LRP5: variants seen among roughly 807,000 people sequenced by gnomAD.
LRP5 encodes LDL receptor related protein 5.
Under a neutral mutation model 154.1 loss-of-function variants are expected in LRP5, and 62 were observed. That is an observed-to-expected ratio of 0.40 (90% CI 0.33 to 0.50). The LOEUF (loss-of-function observed/expected upper bound fraction) is 0.50, where lower values mean the gene tolerates loss of function less well. Among genes scored for constraint, LRP5 ranks in the 20% least tolerant of loss-of-function variants. The probability of loss-of-function intolerance (pLI) is 0.55; values close to 1 mark genes in which losing one functional copy is unlikely to be tolerated. For synonymous variants in LRP5, 966 were observed against 1,011.5 expected (o/e 0.96, Z 0.85); for missense variants, 1,915 against 2,336.7 (o/e 0.82, Z 3.72).
intron 1 of LRP5, among the ~76,000 whole-genome samples, chr11:68,316,976 G>A (rs1342990063): frequency 3.9e-5 from 6 of 152,262 alleles, no homozygotes; most frequent in Non-Finnish European, 8.8e-5. Flanking sequence ...GGGAGGCCCT[G>A]GCGGGAGCCG....
At position 68,317,623 on chromosome 11, in the gene LRP5, T is replaced by C. The variant is rs141327537; in HGVS notation, c.91+4818T>C. 3.1e-4 allele frequency among the ~76,000 whole-genome samples: 47 copies of C among 152,340 alleles called. 1 individual carries two copies. The East Asian group carries it at 9.1e-3, about 29-fold the overall frequency. On this transcript the variant is annotated intron_variant, in intron 1 of 22. Coordinates refer to ENST00000294304, the MANE Select transcript of LRP5 (RefSeq NM_002335.4). ...GAGGCATGCGCATACGCGCTGCTCT[T>C]AGGCATGTGGGTGGCGCTCTGAGGT... is the stretch of plus-strand genomic sequence containing the variant.
At position 68,312,666 on chromosome 11, in the gene LRP5, C is replaced by A; in HGVS notation, c.-49C>A. The A allele has an allele frequency of 3.5e-6, 3 of 864,114 alleles. No homozygotes were observed. Among genetic ancestry groups the A allele is most frequent in the South Asian group, 5.1e-5 (1 of 19,740 alleles). The allele number at this position is 864,114 out of a possible 1,614,324, so 53.5% of individuals were successfully genotyped here. On this transcript the variant is annotated 5_prime_UTR_variant, in exon 1 of 23. Transcript: ENST00000294304. ...GCGCGAGGAGCCGCCGCCGCCGCGC[C>A]ATGGAGCCCGAGTGAGCGCGGCGCG...
chr11:68,416,221 C>T lies in LRP5; in HGVS notation c.2828-107C>T, dbSNP rs539596848. On this transcript the variant is annotated intron_variant, in intron 12 of 22. Coordinates refer to ENST00000294304, the MANE Select transcript of LRP5 (RefSeq NM_002335.4). ...CCCCGTCTTTCCCGTGGACCTCCAG[C>T]GGGGCAGATGCTGAGCCGCCTGTTG... The T allele has an allele frequency of 1.3e-4, 120 of 922,992 alleles. No homozygotes were observed. In the African/African-American group the frequency reaches 1.5e-3, roughly 12 times the overall value. 57.2% of individuals were successfully genotyped at this position (922,992 alleles called of 1,614,324 possible).
At position 68,429,642 on chromosome 11, in the gene LRP5, A is replaced by G. The variant is rs1232283142; in HGVS notation, c.3705A>G (p.Thr1235=). Reference sequence around the variant, plus strand: ...TCTGTATTGCCAAGGGTGATGGGACACCACGGTGCTCATGCCCAGTCCACC... The same window carrying G: ...TCTGTATTGCCAAGGGTGATGGGACGCCACGGTGCTCATGCCCAGTCCACC... The part of the protein sequence containing the change: ...SHICIAKGDG[T]PRCSCPVHLV... The change falls in exon 17 of 23, where the codon ACA becomes ACG. Residue 1235 remains threonine (T), a synonymous_variant. Coordinates refer to ENST00000294304, the MANE Select transcript of LRP5 (RefSeq NM_002335.4). 1.2e-6 allele frequency: 2 copies of G among 1,614,032 alleles called. No individual in the cohort carries two copies. Among genetic ancestry groups the G allele is most frequent in the Non-Finnish European group, 1.7e-6 (2 of 1,180,038 alleles).
chr11:68,304,532 G>A, the LRP5 span, among the ~76,000 whole-genome samples: 2 of 152,226 alleles, frequency 1.3e-5, no homozygotes, highest in East Asian at 1.9e-4. Flanking sequence ...GCTGCGGGAC[G>A]GGGCCGCCAC....
intron 1 of LRP5, among the ~76,000 whole-genome samples, chr11:68,331,091 C>G (rs956466949): frequency 2.6e-5 from 4 of 152,244 alleles, no homozygotes; most frequent in African/African-American, 9.6e-5. Flanking sequence ...GCTTCCTCAC[C>G]GCAGGACTTC....
At chr11:68,371,893 G>C (rs1319531217) in intron 5 of LRP5, among the ~76,000 whole-genome samples, 1 of 152,256 alleles carries the variant, frequency 6.6e-6, no homozygotes, top group Non-Finnish European at 1.5e-5. Context: ...GAGGTGTCAC[G>C]TTGGGCAGTG....
At position 68,348,065 on chromosome 11, in the gene LRP5, A is replaced by G; in HGVS notation, c.310A>G (p.Ile104Val). 1.9e-6 allele frequency: 3 copies of G among 1,614,122 alleles called. No homozygotes were observed. Among genetic ancestry groups the G allele is most frequent in the Non-Finnish European group, 2.5e-6 (3 of 1,180,036 alleles). Residue 104 changes from isoleucine to valine, a missense_variant, in exon 2 of 23, where the codon ATC (isoleucine) becomes GTC (valine). Physicochemically the swap from Ile to Val is conservative, Grantham distance 29. Around this residue, in one of 3 missense-constraint regions of LRP5, gnomAD observed 773 missense variants for 1,100.9 expected, o/e 0.70. Coordinates refer to ENST00000294304, the MANE Select transcript of LRP5 (RefSeq NM_002335.4). ...QTGAAVQNVVISGLVSPDGLA... is the reference protein window; with the variant it reads ...QTGAAVQNVVVSGLVSPDGLA... ...GGGGGCCGCCGTGCAGAACGTGGTC[A>G]TCTCCGGCCTGGTCTCTCCCGACGG...
At chr11:68,347,732 G>T (rs961947920) in intron 1 of LRP5, 115 bp from the exon 2 acceptor site, 3 of 1,284,984 alleles carry the variant, frequency 2.3e-6, no homozygotes, top group Non-Finnish European at 3.4e-6. Context: ...GGAACTGGAG[G>T]TCTTGGGCAT....
intron 5 of LRP5, among the ~76,000 whole-genome samples, chr11:68,373,661 C>T (rs2098635685): frequency 6.6e-6 from 1 of 152,240 alleles, no homozygotes; most frequent in Non-Finnish European, 1.5e-5. Context: ...CTCCGGCCTC[C>T]CCACCCCCTC....
chr11:68,431,158 G>A (rs1423249671), intron 17 of LRP5, among the ~76,000 whole-genome samples: 1 of 151,290 alleles, frequency 6.6e-6, no homozygotes, highest in Non-Finnish European at 1.5e-5. Flanking sequence ...TCTGCTCAGC[G>A]ACCTTTCTCC....
intron 21 of LRP5, chr11:68,445,539 C>T: frequency 8.2e-7 from 1 of 1,224,686 alleles, no homozygotes; most frequent in Non-Finnish European, 1.1e-6. Context: ...GTCCCTCGGG[C>T]ATAACTGACA....
chr11:68,318,576 C>T (rs1186619648), intron 1 of LRP5, among the ~76,000 whole-genome samples: 2 of 151,948 alleles, frequency 1.3e-5, no homozygotes, highest in East Asian at 1.9e-4. Context: ...TGGGCTCAAG[C>T]GATCCACCCA....
intron 5 of LRP5, among the ~76,000 whole-genome samples, chr11:68,368,584 C>T (rs776249925): frequency 6.6e-5 from 10 of 152,306 alleles, no homozygotes; most frequent in African/African-American, 1.4e-4. Context: ...AATTCTGTAA[C>T]GGGCCCGGCT....
At chr11:68,301,487 A>C in the LRP5 span, among the ~76,000 whole-genome samples, 2 of 148,814 alleles carry the variant, frequency 1.3e-5, no homozygotes, top group Non-Finnish European at 3.0e-5. Flanking sequence ...AAAAATAATA[A>C]ATAAATAAAA....
Position 68,403,487 on chromosome 11 carries a change from T to C in LRP5, c.1589T>C (p.Ile530Thr). The C allele has an allele frequency of 6.2e-7, 1 of 1,613,992 alleles. No individual in the cohort carries two copies. The highest frequency in any genetic ancestry group is 8.5e-7 in the Non-Finnish European group (1 of 1,179,976). The change falls in exon 8 of 23, where the codon ATC (isoleucine) becomes ACC (threonine). Residue 530 changes from isoleucine (I) to threonine (T), a missense_variant. Coordinates refer to ENST00000294304, the MANE Select transcript of LRP5 (RefSeq NM_002335.4). ...TATATTTCTGCCGTCCTGCAGGTGATCAATGTTGATGGGACGAAGAGGCGG... is the reference window on the plus strand; with the variant it reads ...TATATTTCTGCCGTCCTGCAGGTGACCAATGTTGATGGGACGAAGAGGCGG... ...GDAKTDKIEV[I>T]NVDGTKRRTL...
intron 2 of LRP5, among the ~76,000 whole-genome samples, 183 bp downstream of exon 2, chr11:68,348,426 G>A (rs1159841530): frequency 7.6e-6 from 1 of 130,824 alleles, no homozygotes; most frequent in African/African-American, 2.6e-5. Context: ...ATGAACCCGT[G>A]GGGGTGTTGG....
intron 1 of LRP5, among the ~76,000 whole-genome samples, chr11:68,325,055 T>C (rs1415698777): frequency 6.6e-6 from 1 of 152,166 alleles, no homozygotes; most frequent in Non-Finnish European, 1.5e-5. Flanking sequence ...ACCTCCTCCA[T>C]CAGGGTGGAC....
chr11:68,438,212 G>A (rs1275934439), intron 19 of LRP5, among the ~76,000 whole-genome samples: 2 of 152,182 alleles, frequency 1.3e-5, no homozygotes, highest in Non-Finnish European at 2.9e-5. Flanking sequence ...GCTGTGGGGA[G>A]TCGGACAGCG....
Sources: gnomAD v4.1 joint callset for allele counts (sites outside exome capture counted in the v4.1 genomes callset) on GRCh38, gnomAD v4.1.1 for gene constraint, gnomAD v4.1.1 regional missense constraint, MANE v1.5 for transcripts, NCBI Gene and HGNC (gene_info 2026-07-23, HGNC 2026-07-21) for gene names.